Variants in SPEF1 observed in about 807,000 individuals in gnomAD.
SPEF1 encodes the protein sperm flagellar and cilia associated 1.
A neutral mutation model predicts 31.8 loss-of-function variants in SPEF1; 30 were observed. The ratio of observed to expected loss-of-function variants is 0.94; its 90% CI spans 0.70 to 1.28. SPEF1 has a LOEUF of 1.28. Among genes scored for constraint, SPEF1 ranks in the 50% most tolerant of loss-of-function variants. SPEF1 has a pLI of 0.00. For synonymous variants in SPEF1, 126 were observed against 130.1 expected (o/e 0.97, Z 0.21); for missense variants, 298 against 309.6 (o/e 0.96, Z 0.28).
chr20:3,778,156 G>T lies in SPEF1; in HGVS notation c.*56C>A. On this transcript the variant is annotated 3_prime_UTR_variant, in exon 7 of 7. Coordinates refer to ENST00000379756, the MANE Select transcript of SPEF1 (RefSeq NM_015417.5). ...CTATCCATCGGTGGGTGGGTCCGGCGCGGCGTCGGGGCTCTGGCGGGTACC... is the reference window on the plus strand; with the variant it reads ...CTATCCATCGGTGGGTGGGTCCGGCTCGGCGTCGGGGCTCTGGCGGGTACC... 2 of 1,273,188 alleles carry T rather than the reference G, an allele frequency of 1.6e-6. No homozygotes were observed. Among genetic ancestry groups the T allele is most frequent in the Non-Finnish European group, 2.1e-6 (2 of 933,820 alleles). 78.9% of individuals were successfully genotyped at this position (1,273,188 alleles called of 1,614,324 possible).
At position 3,778,769 on chromosome 20, in the gene SPEF1, G is replaced by A. The variant is rs1281469805; in HGVS notation, c.456C>T (p.Asp152=). 1 of 1,613,978 alleles carries A rather than the reference G, an allele frequency of 6.2e-7. No homozygotes were observed. The highest frequency in any genetic ancestry group is 8.5e-7 in the Non-Finnish European group (1 of 1,179,976). Reference sequence around the variant, plus strand: ...ACCTGAGCTGACCCCCTCCCTGGGGGTCCGGGACACCTTCACCTCGGGCCT... The same window carrying A: ...ACCTGAGCTGACCCCCTCCCTGGGGATCCGGGACACCTTCACCTCGGGCCT... ...SQKARGEGVP[D]PQGGGQLSWD... is the part of the protein sequence containing the mutation. The change falls in exon 5 of 7, where the codon GAC becomes GAT. Residue 152 remains aspartate (D), a synonymous_variant. Coordinates refer to ENST00000379756, the MANE Select transcript of SPEF1 (RefSeq NM_015417.5).
chr20:3,781,273 C>T lies in SPEF1; in HGVS notation c.15G>A (p.Val5=). 3 of 1,614,004 alleles carry T rather than the reference C, an allele frequency of 1.9e-6. No individual in the cohort carries two copies. The highest frequency in any genetic ancestry group is 3.3e-4 in the Middle Eastern group (2 of 6,062). MASS[V]DEEALHQLYL... is the part of the protein sequence containing the mutation. ...ACAGCTGGTGCAGCGCCTCCTCGTC[C>T]ACGCTGCTCGCCATTGGCGTCCTCA... Residue 5 remains valine, a synonymous_variant, in exon 1 of 7, where the codon GTG becomes GTA. Coordinates refer to ENST00000379756, the MANE Select transcript of SPEF1 (RefSeq NM_015417.5).
At chr20:3,779,155 C>A in intron 3 of SPEF1, 41 bp downstream of exon 3, 3 of 1,547,110 alleles carry the variant, frequency 1.9e-6, no homozygotes, top group South Asian at 1.2e-5. Flanking sequence ...GCCCCCCACC[C>A]AGCCCCCAGA....
Position 3,778,549 on chromosome 20 carries a change from G to A in SPEF1, c.480-5C>T. 1.2e-6 allele frequency: 2 copies of A among 1,604,844 alleles called. No homozygotes were observed. The highest frequency in any genetic ancestry group is 1.7e-6 in the Non-Finnish European group (2 of 1,177,388). Reference sequence around the variant, plus strand: ...GGCGCCGGCGGCCGGTCCCAGCTGGGGTGGGAAGCAGCTTAGCGGAGGCTT... The same window carrying A: ...GGCGCCGGCGGCCGGTCCCAGCTGGAGTGGGAAGCAGCTTAGCGGAGGCTT... On this transcript the variant is annotated splice_polypyrimidine_tract_variant and splice_region_variant and intron_variant, in intron 5 of 6. Coordinates refer to ENST00000379756, the MANE Select transcript of SPEF1 (RefSeq NM_015417.5).
At chr20:3,779,823 A>C in intron 1 of SPEF1, 48 bp from the exon 2 acceptor site, 1 of 483,364 alleles carries the variant, frequency 2.1e-6, no homozygotes. Flanking sequence ...TGGGTAAGGA[A>C]GGAGGAGGTG....
rs6116037 is a variant in SPEF1, at chr20:3,779,901, G to A, written c.110-126C>T. On this transcript the variant is annotated intron_variant, in intron 1 of 6. Transcript: ENST00000379756. The stretch of plus-strand genomic sequence containing the variant: ...GAACCCAATGGAGGGGTGGAGATGC[G>A]GAAAGGGGAAGGATAAGGAGGGAGA... 0.68 allele frequency: 357,584 copies of A among 525,978 alleles called. 126,375 individuals are homozygous for A. The highest frequency in any genetic ancestry group is 0.93 in the African/African-American group (47,579 of 51,044). The allele number at this position is 525,978 out of a possible 1,614,324, so 32.6% of individuals were successfully genotyped here. A position where few individuals can be genotyped will look rare whatever the true frequency, so the allele number is the denominator to read the frequency against.
In SPEF1 at chr20:3,778,988, C is replaced by T. The variant is rs542647541; in HGVS notation, c.381G>A (p.Glu127=). Residue 127 remains glutamate (E), a splice_region_variant and synonymous_variant, in exon 4 of 7, where the codon GAG becomes GAA. Coordinates refer to ENST00000379756, the MANE Select transcript of SPEF1 (RefSeq NM_015417.5). ...RRKQGAGSLQ[E]LAPQDGSGYM... is the part of the protein sequence containing the mutation. ...AGCCACTGCCATCCTGGGGAGCCAG[C>T]TCCTGAAAGAACCCCGGGGGTCCGC... 1 of 1,614,214 alleles carries T rather than the reference C, an allele frequency of 6.2e-7. No individual in the cohort carries two copies. The highest frequency in any genetic ancestry group is 1.1e-5 in the South Asian group (1 of 91,086).
intron 5 of SPEF1, 30 bp from the exon 6 acceptor site, chr20:3,778,574 T>C (rs1159943601): frequency 1.3e-6 from 2 of 1,590,096 alleles, no homozygotes; most frequent in Non-Finnish European, 1.7e-6. Flanking sequence ...AGCGGAGGCT[T>C]GGACCTCGGG....
chr20:3,778,382 GC>G (rs746329363), intron 6 of SPEF1, 38 bp downstream of exon 6: 21 of 1,613,452 alleles, frequency 1.3e-5, no homozygotes, highest in Non-Finnish European at 1.7e-5. Context: ...GCCTCTGCTG[GC>G]CGCGAGCCCC....
intron 2 of SPEF1, 49 bp from the exon 3 acceptor site, chr20:3,779,401 C>G: frequency 6.7e-7 from 1 of 1,500,468 alleles, no homozygotes; most frequent in East Asian, 2.3e-5. Flanking sequence ...GGAAATGAAG[C>G]GAGGGGATGG....
Position 3,778,149 on chromosome 20 carries a change from G to T in SPEF1, c.*63C>A. The T allele has an allele frequency of 8.2e-7, 1 of 1,215,764 alleles. No individual in the cohort carries two copies. The highest frequency in any genetic ancestry group is 1.1e-6 in the Non-Finnish European group (1 of 883,602). The allele number at this position is 1,215,764 out of a possible 1,614,324, so 75.3% of individuals were successfully genotyped here. On this transcript the variant is annotated 3_prime_UTR_variant, in exon 7 of 7. Transcript: ENST00000379756. ...CAATGGTCTATCCATCGGTGGGTGG[G>T]TCCGGCGCGGCGTCGGGGCTCTGGC...
At position 3,781,333 on chromosome 20, in the gene SPEF1, C is replaced by G. The variant is rs746284103; in HGVS notation, c.-46G>C. On this transcript the variant is annotated 5_prime_UTR_variant, in exon 1 of 7. Coordinates refer to ENST00000379756, the MANE Select transcript of SPEF1 (RefSeq NM_015417.5). ...CGCCCCAGCGGTGCCGGGTCCCGCC[C>G]CAGCCTCACGACCCTTCAGGCGCTT... 6.3e-7 allele frequency: 1 copy of G among 1,592,356 alleles called. No homozygotes were observed. The highest frequency in any genetic ancestry group is 2.3e-5 in the East Asian group (1 of 43,414).
intron 1 of SPEF1, among the ~76,000 whole-genome samples, chr20:3,780,604 TAGAC>T (rs1177228990): frequency 7.2e-5 from 11 of 151,946 alleles, no homozygotes; most frequent in Admixed American, 1.3e-4. Context: ...AGAACACACA[TAGAC>T]AGAAGCACAA....
In SPEF1 at chr20:3,779,292, C is replaced by A; in HGVS notation, c.282G>T (p.Gln94His). Reference protein sequence around the residue: ...VPDDVMRKIAQCAPGVVELVL... With the variant: ...VPDDVMRKIAHCAPGVVELVL... ...CCAGCTCCACCACGCCTGGGGCGCA[C>A]TGCGCGATCTTGCGCATCACGTCAT... The change falls in exon 3 of 7, where the codon CAG (glutamine) becomes CAT (histidine). Residue 94 changes from glutamine (Q) to histidine (H), a missense_variant. Transcript: ENST00000379756. 1 of 1,599,920 alleles carries A rather than the reference C, an allele frequency of 6.3e-7. No individual in the cohort carries two copies. The highest frequency in any genetic ancestry group is 8.5e-7 in the Non-Finnish European group (1 of 1,172,536).
In SPEF1 at chr20:3,778,799, G is replaced by T. The variant is rs1458454803; in HGVS notation, c.426C>A (p.Ser142=). 10 of 1,613,984 alleles carry T rather than the reference G, an allele frequency of 6.2e-6. No individual in the cohort carries two copies. Among genetic ancestry groups the T allele is most frequent in the Non-Finnish European group, 8.5e-6 (10 of 1,179,956 alleles). Residue 142 remains serine (S), a synonymous_variant, in exon 5 of 7, where the codon TCC becomes TCA. Coordinates refer to ENST00000379756, the MANE Select transcript of SPEF1 (RefSeq NM_015417.5). ...GGACACCTTCACCTCGGGCCTTCTG[G>T]GATACACCTGAGACAAGGCAAGTGG... The part of the protein sequence containing the change: ...DGSGYMDVGV[S]QKARGEGVPD...
rs2088754136 is a variant in SPEF1, at chr20:3,777,870, G to A, written c.*342C>T. 8.9e-6 allele frequency: 2 copies of A among 224,252 alleles called. No homozygotes were observed. Among genetic ancestry groups the A allele is most frequent in the Non-Finnish European group, 1.7e-5 (2 of 114,604 alleles). 13.9% of individuals were successfully genotyped at this position (224,252 alleles called of 1,614,324 possible). A position where few individuals can be genotyped will look rare whatever the true frequency, so the allele number is the denominator to read the frequency against. On this transcript the variant is annotated 3_prime_UTR_variant, in exon 7 of 7. Transcript: ENST00000379756. The surrounding 1 kb of genome is among the most constrained non-coding windows in gnomAD (Gnocchi z 4.1). The stretch of plus-strand genomic sequence containing the variant: ...AAGGGACCGCCCCCCAAGGCCCAGC[G>A]CCGGGAGATGCAAGGCCGGGCCCAA...
chr20:3,778,254 G>A lies in SPEF1; in HGVS notation c.669C>T (p.Asp223=). 1 of 1,610,198 alleles carries A rather than the reference G, an allele frequency of 6.2e-7. No homozygotes were observed. Among genetic ancestry groups the A allele is most frequent in the Non-Finnish European group, 8.5e-7 (1 of 1,178,100 alleles). The change falls in exon 7 of 7, where the codon GAC becomes GAT. Residue 223 remains aspartate, a synonymous_variant. Coordinates refer to ENST00000379756, the MANE Select transcript of SPEF1 (RefSeq NM_015417.5). ...LLQLKNVRIE[D]LSRRLQQAER... is the part of the protein sequence containing the mutation. ...CCGCCTGCTGGAGCCGCCGGGAGAG[G>A]TCTTCGATCCGCACATTCTTGAGCT... is the stretch of plus-strand genomic sequence containing the variant.
In SPEF1 at chr20:3,779,210, C is replaced by T. The variant is rs1825594546; in HGVS notation, c.364G>A (p.Ala122Thr). ...CGGGGTGGCACCTGTAAGGAGCCGG[C>T]GCCCTGCTTCCTGCGCCTCTGCCTC... ...EERQRRRKQG[A>T]GSLQELAPQD... Residue 122 changes from alanine to threonine, a missense_variant, in exon 3 of 7, where the codon GCC (alanine) becomes ACC (threonine). By Grantham distance (58) the Ala-to-Thr change is moderately conservative (BLOSUM62 0). Coordinates refer to ENST00000379756, the MANE Select transcript of SPEF1 (RefSeq NM_015417.5). The T allele has an allele frequency of 6.3e-7, 1 of 1,575,390 alleles. No individual in the cohort carries two copies. Among genetic ancestry groups the T allele is most frequent in the Non-Finnish European group, 8.6e-7 (1 of 1,158,196 alleles).
At position 3,779,720 on chromosome 20, in the gene SPEF1, A is replaced by C. The variant is rs747814558; in HGVS notation, c.165T>G (p.Asn55Lys). The stretch of plus-strand genomic sequence containing the variant: ...GCTGGAGAGAGTTGGCGGGGACATA[A>C]TTGTGCATCTCCACCATCTTGGGGA... Reference protein sequence around the residue: ...FYFPKMVEMHNYVPANSLQQK... With the variant: ...FYFPKMVEMHKYVPANSLQQK... Residue 55 changes from asparagine to lysine, a missense_variant, in exon 2 of 7, where the codon AAT (asparagine) becomes AAG (lysine). Asn to Lys is a moderately conservative substitution (Grantham distance 94, BLOSUM62 0). Coordinates refer to ENST00000379756, the MANE Select transcript of SPEF1 (RefSeq NM_015417.5). 6.2e-7 allele frequency: 1 copy of C among 1,610,128 alleles called. No individual in the cohort carries two copies. Among genetic ancestry groups the C allele is most frequent in the South Asian group, 1.1e-5 (1 of 90,996 alleles).
Sources: allele counts gnomAD v4.1 joint callset (sites outside exome capture counted in the v4.1 genomes callset), GRCh38; gene constraint gnomAD v4.1.1; non-coding constraint Gnocchi (gnomAD v3.1); transcripts MANE v1.5; gene names NCBI Gene and HGNC (gene_info 2026-07-23, HGNC 2026-07-21).